The following ZNF438 variants were observed in gnomAD, a reference collection of about 807,000 sequenced individuals.
ZNF438 encodes zinc finger protein 438.
In ZNF438, 25 loss-of-function variants were observed where a neutral mutation model predicts 38.0. The observed-to-expected ratio is 0.66, with a 90% CI of 0.48 to 0.92. ZNF438 has a LOEUF of 0.92. Ranked by LOEUF, ZNF438 falls within the 40% of genes least tolerant of loss-of-function variation. The probability of loss-of-function intolerance (pLI) is 0.00; values close to 1 mark genes in which losing one functional copy is unlikely to be tolerated. For synonymous variants in ZNF438, 372 were observed against 364.1 expected, an observed-to-expected ratio of 1.02 and a Z score of -0.25; for missense variants, 1,007 against 999.6, an observed-to-expected ratio of 1.01 and a Z score of -0.10.
intron 4 of ZNF438, among the ~76,000 whole-genome samples, chr10:30,855,506 G>A (rs2034462594): frequency 6.6e-6 from 1 of 152,140 alleles, no homozygotes; most frequent in Non-Finnish European, 1.5e-5. Flanking sequence ...CAAGGTTAAG[G>A]GTCTCCATGA....
chr10:30,968,361 C>T (rs1043885957), intron 1 of ZNF438, among the ~76,000 whole-genome samples: 1 of 151,806 alleles, frequency 6.6e-6, no homozygotes, highest in African/African-American at 2.4e-5. Flanking sequence ...CCTACTCCAT[C>T]CTTTATCTAC....
intron 1 of ZNF438, among the ~76,000 whole-genome samples, chr10:30,946,883 T>C (rs919507680): frequency 6.6e-6 from 1 of 152,252 alleles, no homozygotes; most frequent in African/African-American, 2.4e-5. Flanking sequence ...TATACTTGTA[T>C]CTTTGTAGCT....
At chr10:30,856,497 T>G (rs1413363933) in intron 4 of ZNF438, among the ~76,000 whole-genome samples, 2 of 152,134 alleles carry the variant, frequency 1.3e-5, no homozygotes, top group Non-Finnish European at 2.9e-5. Flanking sequence ...GAGTCTTTCT[T>G]GGCAATATAG....
chr10:30,959,231 G>A (rs575299054), intron 1 of ZNF438, among the ~76,000 whole-genome samples: 1 of 147,058 alleles, frequency 6.8e-6, no homozygotes, highest in East Asian at 1.9e-4. Context: ...TAGACTGTTA[G>A]ACTTTGAGTA....
intron 4 of ZNF438, among the ~76,000 whole-genome samples, chr10:30,859,670 T>C (rs959858445): frequency 6.6e-5 from 10 of 152,330 alleles, no homozygotes; most frequent in African/African-American, 2.4e-4. Context: ...CAAAGGTCCC[T>C]GTCAGGATTA....
intron 2 of ZNF438, among the ~76,000 whole-genome samples, chr10:30,914,553 C>T (rs905780765): frequency 2.6e-5 from 4 of 151,664 alleles, no homozygotes; most frequent in African/African-American, 9.7e-5. Context: ...ATTGTGTAAG[C>T]GGTGCATGGA....
intron 1 of ZNF438, among the ~76,000 whole-genome samples, chr10:31,013,679 C>T (rs1276991519): frequency 6.6e-6 from 1 of 152,216 alleles, no homozygotes; most frequent in Non-Finnish European, 1.5e-5. Context: ...TTAAGGTATC[C>T]ACCTCCTTAT....
intron 2 of ZNF438, among the ~76,000 whole-genome samples, chr10:30,926,909 CAAGTT>C (rs1248123810): frequency 1.3e-5 from 2 of 152,082 alleles, no homozygotes; most frequent in African/African-American, 2.4e-5. Context: ...TGTTGCAAAT[CAAGTT>C]AAGTAGGTTA....
At chr10:30,926,247 C>T (rs1288772748) in intron 2 of ZNF438, among the ~76,000 whole-genome samples, 1 of 152,188 alleles carries the variant, frequency 6.6e-6, no homozygotes, top group Non-Finnish European at 1.5e-5. Flanking sequence ...GAACTCAACA[C>T]AAGAGCTGTG....
At chr10:30,845,644 T>C (rs2132591724) in intron 5 of ZNF438, 71 bp from the exon 7 acceptor site, 1 of 1,527,308 alleles carries the variant, frequency 6.5e-7, no homozygotes, top group Non-Finnish European at 8.8e-7. Context: ...CTCTCAGCTG[T>C]CAGCCTTCAG....
intron 4 of ZNF438, among the ~76,000 whole-genome samples, chr10:30,871,406 T>C (rs1378773935): frequency 6.6e-6 from 1 of 152,222 alleles, no homozygotes; most frequent in Admixed American, 6.5e-5. Flanking sequence ...AAGCATTTTA[T>C]ACATAATTTA....
At chr10:30,896,311 A>C (rs1470591795) in intron 3 of ZNF438, among the ~76,000 whole-genome samples, 26 of 108,256 alleles carry the variant, frequency 2.4e-4, no homozygotes, top group East Asian at 2.1e-3. Flanking sequence ...AAAAAAAAAA[A>C]AAAACAAAAA....
At chr10:30,872,464 A>AAAAAAAAAAC (rs2037618636) in intron 4 of ZNF438, among the ~76,000 whole-genome samples, 1 of 129,608 alleles carries the variant, frequency 7.7e-6, no homozygotes, top group East Asian at 2.2e-4. Flanking sequence ...AAAAAAAAAA[A>AAAAAAAAAAC]AAGAGGTCAG....
intron 1 of ZNF438, among the ~76,000 whole-genome samples, chr10:31,009,520 T>G (rs1055172703): frequency 6.6e-6 from 1 of 152,226 alleles, no homozygotes; most frequent in Non-Finnish European, 1.5e-5. Flanking sequence ...CAAAAAATAC[T>G]AAGTATTATA....
chr10:31,022,051 T>C (rs57335298), intron 1 of ZNF438, among the ~76,000 whole-genome samples: 10,660 of 152,204 alleles, frequency 0.07, 388 homozygotes, highest in Non-Finnish European at 0.074. Context: ...TGAAGTGCCA[T>C]CTTATACTAC....
intron 4 of ZNF438, among the ~76,000 whole-genome samples, chr10:30,866,568 C>T (rs58153873): frequency 0.33 from 49,934 of 151,984 alleles, 9,462 homozygotes; most frequent in South Asian, 0.4. Context: ...GGCGCGGTGG[C>T]TCACGCCTGT....
At chr10:30,913,572 T>C (rs1457529959) in intron 2 of ZNF438, among the ~76,000 whole-genome samples, 4 of 152,006 alleles carry the variant, frequency 2.6e-5, no homozygotes, top group African/African-American at 9.7e-5. Context: ...ACCCCTTTCT[T>C]TCAGGTTAGA....
chr10:30,975,205 A>G (rs560536905), intron 1 of ZNF438, among the ~76,000 whole-genome samples: 17 of 152,310 alleles, frequency 1.1e-4, no homozygotes, highest in Non-Finnish European at 1.8e-4. Flanking sequence ...AATGTCCTCT[A>G]AGACCCTGCT....
chr10:31,018,129 C>A (rs1395207179), intron 1 of ZNF438, among the ~76,000 whole-genome samples: 1 of 152,182 alleles, frequency 6.6e-6, no homozygotes, highest in Non-Finnish European at 1.5e-5. Flanking sequence ...CCAAGAAAAT[C>A]TAACAGGAGA....
Sources: gnomAD v4.1 joint callset for allele counts (sites outside exome capture counted in the v4.1 genomes callset) on GRCh38, gnomAD v4.1.1 for gene constraint, MANE v1.5 for transcripts, NCBI Gene and HGNC (gene_info 2026-07-23, HGNC 2026-07-21) for gene names.